ZBTB7C: variants seen among roughly 807,000 people sequenced by gnomAD.
ZBTB7C encodes the protein zinc finger and BTB domain containing 7C.
ZBTB7C carries 8 observed loss-of-function variants against 25.7 expected under a neutral mutation model. The observed-to-expected ratio is 0.31, with a 90% CI of 0.18 to 0.56. ZBTB7C has a LOEUF of 0.56. Ranked by LOEUF, ZBTB7C falls within the 20% of genes least tolerant of loss-of-function variation. The pLI, the probability that ZBTB7C is intolerant of heterozygous loss-of-function variation, is 0.91. For synonymous variants in ZBTB7C, 394 were observed against 369.0 expected (o/e 1.07, Z -0.78); for missense variants, 824 against 855.2 (o/e 0.96, Z 0.46).
At chr18:48,048,305 C>G (rs140776646) in intron 3 of ZBTB7C, among the ~76,000 whole-genome samples, 1 of 152,330 alleles carries the variant, frequency 6.6e-6, no homozygotes, top group East Asian at 1.9e-4. Context: ...AGAACATGCT[C>G]TACATCATTT....
chr18:48,306,699 T>C (rs1430589066), intron 2 of ZBTB7C, among the ~76,000 whole-genome samples: 4 of 152,172 alleles, frequency 2.6e-5, no homozygotes. Flanking sequence ...AGTGAATATG[T>C]AGCTGAGCTC....
At chr18:48,156,822 C>CTT (rs11375714) in intron 3 of ZBTB7C, among the ~76,000 whole-genome samples, 8 of 148,448 alleles carry the variant, frequency 5.4e-5, no homozygotes, top group South Asian at 2.1e-4. Context: ...CCTTAGAACA[C>CTT]TTTTTTTTTT....
At chr18:48,292,377 G>T (rs1038358032) in intron 2 of ZBTB7C, among the ~76,000 whole-genome samples, 1 of 152,120 alleles carries the variant, frequency 6.6e-6, no homozygotes, top group Admixed American at 6.5e-5. Context: ...CACTACTAAG[G>T]ATAGAGTGAG....
intron 2 of ZBTB7C, among the ~76,000 whole-genome samples, chr18:48,310,161 C>T (rs1035327425): frequency 7.3e-5 from 11 of 151,182 alleles, no homozygotes; most frequent in Non-Finnish European, 1.5e-4. Flanking sequence ...ACCCAGGAGG[C>T]GGAACTTGCA....
rs577174832 is a variant in ZBTB7C, at chr18:48,387,868, G to A, written c.-304+21358C>T. Among the ~76,000 whole-genome samples the A allele has an allele frequency of 2.6e-5, 4 of 152,198 alleles. No individual in the cohort carries two copies. In the South Asian group the frequency reaches 8.3e-4, roughly 32 times the overall value. On this transcript the variant is annotated intron_variant, in intron 1 of 4. Coordinates refer to ENST00000590800, the MANE Select transcript of ZBTB7C (RefSeq NM_001318841.2). ...TTGTTTGTTTGTTTGTTTTGAGACA[G>A]GGTCTTGCAGTGCAGTGGTGCGATC...
chr18:48,250,903 G>C (rs1395166419), intron 2 of ZBTB7C, among the ~76,000 whole-genome samples: 1 of 151,322 alleles, frequency 6.6e-6, no homozygotes, highest in African/African-American at 2.4e-5. Context: ...TGATTTGCTT[G>C]AACTTAAACT....
chr18:48,399,194 A>G (rs1376753723), intron 1 of ZBTB7C, among the ~76,000 whole-genome samples: 1 of 152,196 alleles, frequency 6.6e-6, no homozygotes, highest in African/African-American at 2.4e-5. Flanking sequence ...ACATACACAC[A>G]TATGTTTTGT....
chr18:48,042,453 A>C (rs2036290795), intron 3 of ZBTB7C, among the ~76,000 whole-genome samples: 1 of 152,194 alleles, frequency 6.6e-6, no homozygotes, highest in South Asian at 2.1e-4. Context: ...AAGGAAAACA[A>C]ATCCTAAAGC....
At chr18:48,381,820 T>C (rs952431814) in intron 1 of ZBTB7C, among the ~76,000 whole-genome samples, 1 of 152,232 alleles carries the variant, frequency 6.6e-6, no homozygotes, top group Non-Finnish European at 1.5e-5. Flanking sequence ...CTTTGGGACA[T>C]GTCCATTTTC....
chr18:48,334,424 G>A (rs1242067304), intron 2 of ZBTB7C, among the ~76,000 whole-genome samples: 1 of 152,154 alleles, frequency 6.6e-6, no homozygotes, highest in Non-Finnish European at 1.5e-5. Context: ...AAGAGAAGGG[G>A]CATCTTTTAA....
At chr18:48,273,936 C>T (rs540311849) in intron 2 of ZBTB7C, among the ~76,000 whole-genome samples, 16 of 152,162 alleles carry the variant, frequency 1.1e-4, no homozygotes, top group Non-Finnish European at 2.2e-4. Context: ...AACATTAAAA[C>T]TATCAAAAGG....
At chr18:48,046,010 A>G (rs923550619) in intron 3 of ZBTB7C, among the ~76,000 whole-genome samples, 5 of 152,254 alleles carry the variant, frequency 3.3e-5, no homozygotes, top group Non-Finnish European at 7.3e-5. Context: ...CTCCAGCCCC[A>G]GTCAGGACTC....
chr18:48,220,121 C>G (rs574415394), intron 2 of ZBTB7C, among the ~76,000 whole-genome samples: 2 of 151,710 alleles, frequency 1.3e-5, no homozygotes, highest in East Asian at 3.9e-4. Context: ...GACCAGAGAT[C>G]CCAGGCCCCA....
intron 3 of ZBTB7C, chr18:48,180,364 T>A (rs760789205): frequency 8.8e-6 from 4 of 456,526 alleles, no homozygotes; most frequent in African/African-American, 8.0e-5. Context: ...TATTATAAAA[T>A]CACACCATTC....
At chr18:48,054,361 C>G (rs1242397440) in intron 3 of ZBTB7C, among the ~76,000 whole-genome samples, 1 of 152,206 alleles carries the variant, frequency 6.6e-6, no homozygotes, top group African/African-American at 2.4e-5. Context: ...CCCTGCCCTT[C>G]TCTACCCCAG....
chr18:48,389,232 CTCTCGTGTGTGTGTGTGTGTGTGT>C (rs1432660283), intron 1 of ZBTB7C, among the ~76,000 whole-genome samples: 115 of 61,866 alleles, frequency 1.9e-3, no homozygotes, highest in African/African-American at 7.2e-3. Context: ...CTCTCTCTCT[CTCTCGTGTGTGTGTGTGTGTGTGT>C]GTGTGTGTGT....
At chr18:48,270,525 T>TA (rs1156987644) in intron 2 of ZBTB7C, among the ~76,000 whole-genome samples, 75 of 149,350 alleles carry the variant, frequency 5.0e-4, no homozygotes, top group Non-Finnish European at 4.3e-4. Flanking sequence ...GAAACCCCGC[T>TA]AAAAAATACA....
At chr18:48,198,880 C>T (rs2042375253) in intron 2 of ZBTB7C, among the ~76,000 whole-genome samples, 1 of 152,210 alleles carries the variant, frequency 6.6e-6, no homozygotes, top group African/African-American at 2.4e-5. Flanking sequence ...CTGGTTTACT[C>T]TGGTTTCAGT....
chr18:48,077,979 TG>T (rs1434680847), intron 3 of ZBTB7C, among the ~76,000 whole-genome samples: 3 of 41,762 alleles, frequency 7.2e-5, no homozygotes, highest in South Asian at 8.3e-4. Context: ...AGTCTTGGGG[TG>T]GGGGGGAGGG....
Sources: gnomAD v4.1 joint callset for allele counts (sites outside exome capture counted in the v4.1 genomes callset) on GRCh38, gnomAD v4.1.1 for gene constraint, MANE v1.5 for transcripts, NCBI Gene and HGNC (gene_info 2026-07-23, HGNC 2026-07-21) for gene names.